TADA2A: variants seen among roughly 807,000 people sequenced by gnomAD.
The protein encoded by TADA2A is transcriptional adapter 2-alpha.
TADA2A carries 38 observed loss-of-function variants against 67.4 expected under a neutral mutation model. The ratio of observed to expected loss-of-function variants is 0.56; its 90% confidence interval spans 0.44 to 0.74. The LOEUF is 0.74. Ranked by LOEUF, TADA2A falls within the 30% of genes least tolerant of loss-of-function variation. TADA2A has a pLI of 0.00. For missense variants in TADA2A, 454 were observed against 547.0 expected (o/e 0.83, Z 1.70); for synonymous variants, 192 against 181.6 (o/e 1.06, Z -0.46).
At position 37,478,886 on chromosome 17, in the gene TADA2A, G is replaced by A. The variant is rs2053938239; in HGVS notation, c.*1904G>A. ...TGAGGGAATTCAAATAGAGGACTTC[G>A]ATTTTTTAAAAAGAATGACGTGGAA... On this transcript the variant is annotated 3_prime_UTR_variant, in exon 16 of 16. Transcript: ENST00000615182. 3 of 152,144 alleles carry A rather than the reference G, an allele frequency of 2.0e-5. No individual in the cohort carries two copies. Among genetic ancestry groups the A allele is most frequent in the Non-Finnish European group, 2.9e-5 (2 of 68,022 alleles). The allele number at this position is 152,144 out of a possible 1,614,324, so 9.4% of individuals were successfully genotyped here.
intron 4 of TADA2A, among the ~76,000 whole-genome samples, chr17:37,435,778 C>G (rs1043562735): frequency 4.6e-5 from 7 of 152,072 alleles, no homozygotes; most frequent in African/African-American, 1.7e-4. Context: ...CAGGGTTTTG[C>G]CATCTTGCCC....
chr17:37,461,997 C>A, intron 9 of TADA2A, 81 bp from the exon 10 acceptor site: 2 of 1,106,826 alleles, frequency 1.8e-6, no homozygotes, highest in Non-Finnish European at 2.7e-6. Flanking sequence ...ATGTTTATGT[C>A]TGATGATAGC....
At chr17:37,435,105 G>A (rs2052682817) in intron 4 of TADA2A, among the ~76,000 whole-genome samples, 1 of 152,240 alleles carries the variant, frequency 6.6e-6, no homozygotes, top group Admixed American at 6.5e-5. Flanking sequence ...AATTAGCCAG[G>A]TGTGGTGGCA....
chr17:37,407,343 A>G (rs2051606682), intron 1 of TADA2A: 1 of 152,528 alleles, frequency 6.6e-6, no homozygotes, highest in East Asian at 1.9e-4. Flanking sequence ...GTATTTCAGT[A>G]CCCTGTTAGA....
chr17:37,461,235 T>G (rs985036272), intron 9 of TADA2A, among the ~76,000 whole-genome samples: 5 of 152,004 alleles, frequency 3.3e-5, no homozygotes, highest in African/African-American at 1.2e-4. Context: ...CCTGTGAGAA[T>G]CTAATGCTGC....
chr17:37,416,294 T>A (rs1483962489), intron 2 of TADA2A, among the ~76,000 whole-genome samples: 1 of 151,886 alleles, frequency 6.6e-6, no homozygotes, highest in Non-Finnish European at 1.5e-5. Flanking sequence ...AATTTTTGTA[T>A]TTTTAGTAGA....
At chr17:37,439,709 T>C (rs954270810) in intron 5 of TADA2A, among the ~76,000 whole-genome samples, 8 of 152,210 alleles carry the variant, frequency 5.3e-5, no homozygotes, top group Non-Finnish European at 1.2e-4. Context: ...TGAATGTTTC[T>C]AGCTCAGTGT....
intron 4 of TADA2A, among the ~76,000 whole-genome samples, chr17:37,434,859 A>C (rs12936850): frequency 0.24 from 36,365 of 152,174 alleles, 4,433 homozygotes; most frequent in Middle Eastern, 0.35. Flanking sequence ...TGGTTATTAT[A>C]CTTATTGATG....
intron 12 of TADA2A, among the ~76,000 whole-genome samples, chr17:37,468,417 T>C (rs1382184755): frequency 6.6e-6 from 1 of 152,152 alleles, no homozygotes; most frequent in Non-Finnish European, 1.5e-5. Context: ...TCATAAGAGA[T>C]AGTGTATTAT....
chr17:37,470,218 T>C (rs1296936646), intron 12 of TADA2A, among the ~76,000 whole-genome samples, 182 bp from the exon 13 acceptor site: 1 of 152,200 alleles, frequency 6.6e-6, no homozygotes, highest in Non-Finnish European at 1.5e-5. Flanking sequence ...ATACTTAGTA[T>C]TAAGAAAAGG....
rs943696975 is a variant in TADA2A, at chr17:37,478,556, A to C, written c.*1574A>C. On this transcript the variant is annotated 3_prime_UTR_variant, in exon 16 of 16. Coordinates refer to ENST00000615182, the MANE Select transcript of TADA2A (RefSeq NM_001166105.3). Reference sequence around the variant, plus strand: ...TTATATATGGGACTCACTAGATATGAGGGTAAGTAGCCCCACCACATGTAA... The same window carrying C: ...TTATATATGGGACTCACTAGATATGCGGGTAAGTAGCCCCACCACATGTAA... The C allele has an allele frequency of 6.6e-6, 1 of 152,220 alleles. No homozygotes were observed. Among genetic ancestry groups the C allele is most frequent in the Non-Finnish European group, 1.5e-5 (1 of 68,040 alleles). 9.4% of individuals were successfully genotyped at this position (152,220 alleles called of 1,614,324 possible).
intron 8 of TADA2A, among the ~76,000 whole-genome samples, chr17:37,445,392 A>C (rs533773622): frequency 6.6e-6 from 1 of 152,116 alleles, no homozygotes; most frequent in Non-Finnish European, 1.5e-5. Flanking sequence ...CAGCCTCCCA[A>C]GTAGCTGGGA....
In TADA2A at chr17:37,474,610, T is replaced by C. The variant is rs1663776169; in HGVS notation, c.1127T>C (p.Leu376Pro). ...ACTGGCCTCCCTGGCACAGAGAAGC[T>C]GAATGAAAAAGAAAAGGAGGTAACA... ...NLTGLPGTEK[L>P]NEKEKELCQM... Residue 376 changes from leucine to proline, a missense_variant, in exon 15 of 16, where the codon CTG becomes CCG. Around this residue, in one of 2 missense-constraint regions of TADA2A, gnomAD observed 51 missense variants for 91.5 expected, o/e 0.56. Transcript: ENST00000615182. 6.2e-7 allele frequency: 1 copy of C among 1,612,890 alleles called. No homozygotes were observed. The highest frequency in any genetic ancestry group is 1.7e-5 in the Admixed American group (1 of 59,906).
chr17:37,460,325 AGC>A (rs1476350983), intron 9 of TADA2A, among the ~76,000 whole-genome samples: 1 of 151,936 alleles, frequency 6.6e-6, no homozygotes, highest in Non-Finnish European at 1.5e-5. Flanking sequence ...AGCTCACTGC[AGC>A]GTCTGCCTCC....
intron 10 of TADA2A, among the ~76,000 whole-genome samples, chr17:37,464,646 C>T (rs2053620919): frequency 6.6e-6 from 1 of 151,070 alleles, no homozygotes; most frequent in East Asian, 1.9e-4. Context: ...TCAAGACCAG[C>T]CTGGCCAACA....
chr17:37,467,932 A>G (rs535921617), intron 12 of TADA2A, among the ~76,000 whole-genome samples: 16 of 152,214 alleles, frequency 1.1e-4, no homozygotes, highest in South Asian at 8.3e-4. Flanking sequence ...AAATAAAAAA[A>G]CTAGCCAGGC....
intron 9 of TADA2A, 78 bp downstream of exon 9, chr17:37,458,665 G>A: frequency 8.2e-7 from 1 of 1,213,054 alleles, no homozygotes; most frequent in Non-Finnish European, 1.2e-6. Context: ...GTGTGTGTGT[G>A]TGTGTGTGTC....
chr17:37,431,408 C>T (rs552194539), intron 4 of TADA2A, among the ~76,000 whole-genome samples: 40 of 152,056 alleles, frequency 2.6e-4, no homozygotes, highest in Admixed American at 2.0e-3. Context: ...CATAATACAT[C>T]ATGTGCTAGG....
intron 2 of TADA2A, among the ~76,000 whole-genome samples, chr17:37,422,479 C>CTGA (rs1355232116): frequency 8.9e-4 from 68 of 76,764 alleles, no homozygotes; most frequent in African/African-American, 3.0e-3. Context: ...CCATGCCCAG[C>CTGA]TGATTATTAT....
Sources: allele counts gnomAD v4.1 joint callset (sites outside exome capture counted in the v4.1 genomes callset), GRCh38; gene constraint gnomAD v4.1.1; regional missense constraint gnomAD v4.1.1; transcripts MANE v1.5; gene names NCBI Gene and HGNC (gene_info 2026-07-23, HGNC 2026-07-21).